The following TXNRD1 variants were observed in gnomAD, a reference collection of about 807,000 sequenced individuals.
TXNRD1 encodes the protein thioredoxin reductase 1, cytoplasmic.
Under a neutral mutation model 80.3 loss-of-function variants are expected in TXNRD1, and 57 were observed. The ratio of observed to expected loss-of-function variants is 0.71; its 90% CI spans 0.57 to 0.89. The LOEUF (loss-of-function observed/expected upper bound fraction) is 0.89, where lower values mean the gene tolerates loss of function less well. Ranked by LOEUF, TXNRD1 falls within the 40% of genes least tolerant of loss-of-function variation. The pLI is 0.00. For synonymous variants in TXNRD1, 291 were observed against 285.2 expected, an observed-to-expected ratio of 1.02 and a Z score of -0.20; for missense variants, 730 against 803.0, an observed-to-expected ratio of 0.91 and a Z score of 1.10.
intron 1 of TXNRD1, among the ~76,000 whole-genome samples, chr12:104,220,952 C>G (rs965175650): frequency 9.2e-5 from 14 of 152,146 alleles, no homozygotes; most frequent in Non-Finnish European, 4.4e-5. Flanking sequence ...ATGACTATCA[C>G]AAATCACTCT....
At chr12:104,297,605 T>TC (rs1454320938) in intron 4 of TXNRD1, among the ~76,000 whole-genome samples, 1 of 152,100 alleles carries the variant, frequency 6.6e-6, no homozygotes, top group East Asian at 1.9e-4. Flanking sequence ...CCTCAGGTGA[T>TC]CCGCCTGCGT....
intron 1 of TXNRD1, among the ~76,000 whole-genome samples, chr12:104,217,304 A>G (rs566095843): frequency 5.7e-5 from 8 of 140,700 alleles, no homozygotes; most frequent in African/African-American, 2.1e-4. Flanking sequence ...AAAATTTACC[A>G]TCTTAACAAT....
intron 5 of TXNRD1, among the ~76,000 whole-genome samples, chr12:104,312,242 C>T (rs1454188895): frequency 2.6e-5 from 4 of 151,982 alleles, no homozygotes; most frequent in Admixed American, 2.6e-4. Context: ...ATCTAATAAC[C>T]ACTAACTCTG....
Position 104,290,855 on chromosome 12 carries a change from A to G in TXNRD1, c.414+1815A>G, listed in dbSNP as rs2034177551. On this transcript the variant is annotated intron_variant, in intron 4 of 16. Coordinates refer to ENST00000525566, the MANE Select transcript of TXNRD1 (RefSeq NM_001093771.3). Reference sequence around the variant, plus strand: ...AGTAATTTGATCTTTATGTAATTCTACTGATACTCCTGGTTTTAATGGCAA... The same window carrying G: ...AGTAATTTGATCTTTATGTAATTCTGCTGATACTCCTGGTTTTAATGGCAA... The G allele has an allele frequency of 6.2e-6, 3 of 486,862 alleles. No homozygotes were observed. In the East Asian group the frequency reaches 1.1e-4, roughly 17 times the overall value. The allele number at this position is 486,862 out of a possible 1,614,324, so 30.2% of individuals were successfully genotyped here.
chr12:104,264,578 A>G (rs1298103513), intron 3 of TXNRD1, among the ~76,000 whole-genome samples: 2 of 152,226 alleles, frequency 1.3e-5, no homozygotes, highest in Non-Finnish European at 1.5e-5. Flanking sequence ...ATATAATTGC[A>G]TCCAGAGATA....
intron 13 of TXNRD1, among the ~76,000 whole-genome samples, chr12:104,329,277 CTTAAT>C (rs1282664729): frequency 6.6e-6 from 1 of 150,586 alleles, no homozygotes; most frequent in African/African-American, 2.5e-5. Flanking sequence ...ATTGGATGCA[CTTAAT>C]TTATTCTTAA....
intron 1 of TXNRD1, among the ~76,000 whole-genome samples, chr12:104,230,220 C>T (rs1408179248): frequency 7.3e-5 from 11 of 151,150 alleles, no homozygotes; most frequent in Non-Finnish European, 1.3e-4. Context: ...AGGTGCATGC[C>T]ACCACGCCCG....
At chr12:104,304,113 G>A (rs2034774328) in intron 4 of TXNRD1, 2 of 1,614,048 alleles carry the variant, frequency 1.2e-6, no homozygotes, top group East Asian at 4.5e-5. Context: ...GACATCGTGA[G>A]CTCGGCGAAC....
At chr12:104,329,019 C>G (rs1024058718) in intron 13 of TXNRD1, among the ~76,000 whole-genome samples, 2 of 151,990 alleles carry the variant, frequency 1.3e-5, no homozygotes, top group African/African-American at 4.8e-5. Flanking sequence ...ATGGGAATCT[C>G]AAAAAGTGAT....
intron 13 of TXNRD1, among the ~76,000 whole-genome samples, chr12:104,330,925 A>G (rs1376039580): frequency 1.3e-5 from 2 of 152,048 alleles, no homozygotes; most frequent in Non-Finnish European, 2.9e-5. Context: ...CATTGCCACT[A>G]TTGAGTACTA....
At position 104,254,644 on chromosome 12, in the gene TXNRD1, A is replaced by T. The variant is rs867019056; in HGVS notation, c.243+2966A>T. Among the ~76,000 whole-genome samples, 328 of 93,604 alleles carry T rather than the reference A, an allele frequency of 3.5e-3. 8 individuals carry two copies. The highest frequency in any genetic ancestry group is 0.012 in the African/African-American group (228 of 19,390). 61.4% of individuals were successfully genotyped at this position (93,604 alleles called of 152,430 possible). On this transcript the variant is annotated intron_variant, in intron 2 of 16. Transcript: ENST00000525566. Reference sequence around the variant, plus strand: ...CTATGTCTATGGAAAAAAAAAAAAAAATATATATATATATATATATATCAG... The same window carrying T: ...CTATGTCTATGGAAAAAAAAAAAAATATATATATATATATATATATATCAG...
At chr12:104,239,216 G>A (rs1208338198) in intron 1 of TXNRD1, among the ~76,000 whole-genome samples, 4 of 148,852 alleles carry the variant, frequency 2.7e-5, no homozygotes, top group Admixed American at 1.3e-4. Context: ...TTTTTGAGAC[G>A]GAGTTTCGCT....
intron 4 of TXNRD1, among the ~76,000 whole-genome samples, chr12:104,290,572 T>G (rs1277211743): frequency 6.6e-6 from 1 of 151,072 alleles, no homozygotes; most frequent in Non-Finnish European, 1.5e-5. Flanking sequence ...CACATGCCTC[T>G]GGTCCCAGCT....
chr12:104,346,905 G>A lies in TXNRD1; in HGVS notation c.1882-1448G>A, dbSNP rs1316535575. Among the ~76,000 whole-genome samples the A allele has an allele frequency of 4.6e-5, 7 of 152,118 alleles. No homozygotes were observed. The East Asian group carries it at 1.3e-3, about 29-fold the overall frequency. On this transcript the variant is annotated intron_variant, in intron 16 of 16. Coordinates refer to ENST00000525566, the MANE Select transcript of TXNRD1 (RefSeq NM_001093771.3). ...AGGTCAGGAGTTTGAGACAAGCCTG[G>A]TCAACGTGGTGAAACCCTGTCTCTA...
At chr12:104,348,225 C>A in intron 16 of TXNRD1, 128 bp from the exon 17 acceptor site, 1 of 757,514 alleles carries the variant, frequency 1.3e-6, no homozygotes, top group Non-Finnish European at 2.2e-6. Context: ...GATCATACTA[C>A]TTCTCTGTTT....
At chr12:104,305,210 G>C (rs567944633) in intron 4 of TXNRD1, 77 of 275,396 alleles carry the variant, frequency 2.8e-4, no homozygotes, top group African/African-American at 1.6e-3. Context: ...ACCAAATTAA[G>C]GGATATTTGA....
intron 3 of TXNRD1, among the ~76,000 whole-genome samples, chr12:104,283,646 G>A (rs552138540): frequency 1.8e-4 from 27 of 152,042 alleles, no homozygotes; most frequent in South Asian, 1.2e-3. Flanking sequence ...CGAGGCAGGC[G>A]GATCACCTGT....
chr12:104,230,654 G>C (rs1345378439), intron 1 of TXNRD1, among the ~76,000 whole-genome samples: 4 of 152,012 alleles, frequency 2.6e-5, no homozygotes, highest in East Asian at 1.9e-4. Context: ...TTTTTAATTG[G>C]GTTTTGTTTT....
At position 104,318,993 on chromosome 12, in the gene TXNRD1, C is replaced by T. The variant is rs748358920; in HGVS notation, c.811C>T (p.Arg271Trp). The change falls in exon 8 of 17, where the codon CGG (arginine) becomes TGG (tryptophan). Residue 271 changes from arginine to tryptophan, a missense_variant. Coordinates refer to ENST00000525566, the MANE Select transcript of TXNRD1 (RefSeq NM_001093771.3). The stretch of plus-strand genomic sequence containing the variant: ...GAATTGGGGCTACCGAGTAGCTCTG[C>T]GGGAGAAAAAAGTCGTCTATGAGAA... The part of the protein sequence containing the change: ...SLNWGYRVAL[R>W]EKKVVYENAY... 21 of 1,613,230 alleles carry T rather than the reference C, an allele frequency of 1.3e-5. No individual in the cohort carries two copies. In the African/African-American group the frequency reaches 2.3e-4, roughly 17 times the overall value.
Sources: gnomAD v4.1 joint callset for allele counts (sites outside exome capture counted in the v4.1 genomes callset) on GRCh38, gnomAD v4.1.1 for gene constraint, MANE v1.5 for transcripts, NCBI Gene and HGNC (gene_info 2026-07-23, HGNC 2026-07-21) for gene names.